Variants in DLGAP2 observed in about 807,000 individuals in gnomAD.
DLGAP2 encodes DLG associated protein 2, also known as disks large-associated protein 2.
A neutral mutation model predicts 100.3 loss-of-function variants in DLGAP2; 26 were observed. The ratio of observed to expected loss-of-function variants is 0.26; its 90% CI spans 0.19 to 0.36. The LOEUF is 0.36. DLGAP2 is among the 10% of genes least tolerant of loss of function. The pLI is 1.00. For missense variants in DLGAP2, 1,858 were observed against 1,453.2 expected (o/e 1.28, Z -4.53); for synonymous variants, 886 against 630.1 (o/e 1.41, Z -6.08).
chr8:840,314 C>T (rs1585919310), intron 1 of DLGAP2, among the ~76,000 whole-genome samples: 3 of 79,540 alleles, frequency 3.8e-5, no homozygotes, highest in Admixed American at 1.3e-4. Flanking sequence ...ACGGTGCACG[C>T]CTGCACGTCT....
chr8:1,389,226 C>A (rs951705985), intron 3 of DLGAP2, among the ~76,000 whole-genome samples: 7 of 151,806 alleles, frequency 4.6e-5, no homozygotes, highest in Non-Finnish European at 8.8e-5. Context: ...ATGGGAGGAG[C>A]GGTACTCTGG....
chr8:1,448,528 A>C (rs1346109533), intron 3 of DLGAP2, among the ~76,000 whole-genome samples: 1 of 152,100 alleles, frequency 6.6e-6, no homozygotes, highest in Non-Finnish European at 1.5e-5. Context: ...ATTTTGGAAT[A>C]GGTGTGGTGT....
At chr8:1,370,414 C>G (rs1422348693) in intron 3 of DLGAP2, among the ~76,000 whole-genome samples, 1 of 152,176 alleles carries the variant, frequency 6.6e-6, no homozygotes, top group Non-Finnish European at 1.5e-5. Context: ...TTTATCTTAC[C>G]ATTCATGCTT....
chr8:1,174,493 T>C (rs1797209582), intron 2 of DLGAP2, among the ~76,000 whole-genome samples: 2 of 150,000 alleles, frequency 1.3e-5, no homozygotes, highest in South Asian at 2.1e-4. Context: ...TCATCATCAT[T>C]ACCATCATCA....
intron 1 of DLGAP2, among the ~76,000 whole-genome samples, chr8:783,367 C>A (rs889835749): frequency 6.6e-6 from 1 of 152,096 alleles, no homozygotes; most frequent in Non-Finnish European, 1.5e-5. Flanking sequence ...TGGTTCTGGT[C>A]TTTTGTTTTT....
chr8:1,054,739 T>C (rs944593944), intron 2 of DLGAP2, among the ~76,000 whole-genome samples: 2 of 152,206 alleles, frequency 1.3e-5, no homozygotes, highest in East Asian at 1.9e-4. Flanking sequence ...GGTTTTTGCA[T>C]TGTATTGGTG....
At chr8:1,334,340 G>A (rs11785448) in intron 3 of DLGAP2, among the ~76,000 whole-genome samples, 60,877 of 152,016 alleles carry the variant, frequency 0.4, 13,982 homozygotes, top group African/African-American at 0.63. Context: ...TCCTGGCGTC[G>A]GCCCTCATCC....
intron 2 of DLGAP2, among the ~76,000 whole-genome samples, chr8:1,106,728 G>T (rs1804786395): frequency 6.6e-6 from 1 of 151,208 alleles, no homozygotes; most frequent in South Asian, 2.1e-4. Flanking sequence ...ATTGAAGAGA[G>T]CCATTCTAGG....
intron 3 of DLGAP2, among the ~76,000 whole-genome samples, chr8:1,435,104 A>C (rs965412760): frequency 1.3e-5 from 2 of 152,198 alleles, no homozygotes; most frequent in African/African-American, 4.8e-5. Context: ...GGGCCCTTCC[A>C]ACCTACTCGG....
At chr8:1,697,096 T>A in intron 13 of DLGAP2, 51 bp from the exon 14 acceptor site, 1 of 1,470,378 alleles carries the variant, frequency 6.8e-7, no homozygotes, top group East Asian at 2.5e-5. Flanking sequence ...TCCCCAGCCC[T>A]GTGCCCGCAG....
chr8:1,025,939 C>T (rs1412075729), intron 2 of DLGAP2, among the ~76,000 whole-genome samples: 1 of 152,208 alleles, frequency 6.6e-6, no homozygotes, highest in Non-Finnish European at 1.5e-5. Context: ...TTCTAGGGAG[C>T]AGGGAGCACC....
At chr8:1,172,778 C>G (rs901636103) in intron 2 of DLGAP2, among the ~76,000 whole-genome samples, 1 of 152,156 alleles carries the variant, frequency 6.6e-6, no homozygotes, top group African/African-American at 2.4e-5. Context: ...TCTAGTTATA[C>G]ATTCTTCTAA....
chr8:1,283,127 G>A (rs1799852661), intron 3 of DLGAP2, among the ~76,000 whole-genome samples: 1 of 147,444 alleles, frequency 6.8e-6, no homozygotes. Context: ...ATCCGGACAT[G>A]GTGTGACCTG....
intron 2 of DLGAP2, among the ~76,000 whole-genome samples, chr8:1,217,389 G>C (rs7387495): frequency 0.33 from 50,059 of 151,908 alleles, 8,586 homozygotes; most frequent in South Asian, 0.53. Context: ...CCATGTCTTT[G>C]CTATTGTGAA....
chr8:1,673,524 G>C (rs139003885), intron 10 of DLGAP2, among the ~76,000 whole-genome samples: 93 of 152,300 alleles, frequency 6.1e-4, no homozygotes, highest in African/African-American at 2.2e-3. Context: ...AAGACAGCCA[G>C]GGTAAAATCT....
At chr8:1,528,837 A>C (rs995910931) in intron 4 of DLGAP2, among the ~76,000 whole-genome samples, 1 of 152,200 alleles carries the variant, frequency 6.6e-6, no homozygotes, top group Non-Finnish European at 1.5e-5. Flanking sequence ...CTTTTACAGA[A>C]AGCAAACAAA....
At position 1,549,093 on chromosome 8, in the gene DLGAP2, A is replaced by C; in HGVS notation, c.640A>C (p.Arg214=). The change falls in exon 5 of 15, where the codon AGG becomes CGG. Residue 214 remains arginine (R), a synonymous_variant. Coordinates refer to ENST00000637795, the MANE Select transcript of DLGAP2 (RefSeq NM_001346810.2). ...CGGCTTCCACACGCTGCAGTACCAGAGGACGTCCGCGGCCGCCGAGCAGCG... is the reference window on the plus strand; with the variant it reads ...CGGCTTCCACACGCTGCAGTACCAGCGGACGTCCGCGGCCGCCGAGCAGCG... ...RDGFHTLQYQ[R]TSAAAEQRSE... 1 of 1,584,858 alleles carries C rather than the reference A, an allele frequency of 6.3e-7. No homozygotes were observed. The highest frequency in any genetic ancestry group is 8.6e-7 in the Non-Finnish European group (1 of 1,168,920).
intron 2 of DLGAP2, among the ~76,000 whole-genome samples, chr8:1,196,150 G>T (rs1563246336): frequency 6.6e-6 from 1 of 152,106 alleles, no homozygotes; most frequent in Non-Finnish European, 1.5e-5. Flanking sequence ...ACTGCTTGTT[G>T]TAGTAGTGCT....
intron 2 of DLGAP2, among the ~76,000 whole-genome samples, chr8:1,025,302 C>CT (rs1396428198): frequency 2.0e-5 from 3 of 152,200 alleles, no homozygotes; most frequent in Non-Finnish European, 4.4e-5. Flanking sequence ...TGAATCCAAA[C>CT]TTCATGACGT....
Sources: gnomAD v4.1 joint callset for allele counts (sites outside exome capture counted in the v4.1 genomes callset) on GRCh38, gnomAD v4.1.1 for gene constraint, MANE v1.5 for transcripts, NCBI Gene and HGNC (gene_info 2026-07-23, HGNC 2026-07-21) for gene names.